Variants in LAMA2 observed in about 807,000 individuals in gnomAD.
LAMA2 encodes the protein laminin subunit alpha 2, also known as laminin subunit alpha-2.
LAMA2 carries 269 observed loss-of-function variants against 364.8 expected under a neutral mutation model. The observed-to-expected ratio is 0.74, with a 90% CI of 0.67 to 0.82. The LOEUF (loss-of-function observed/expected upper bound fraction) is 0.82, where lower values mean the gene tolerates loss of function less well. Among genes scored for constraint, LAMA2 ranks in the 40% least tolerant of loss-of-function variants. The pLI is 0.00. For missense variants in LAMA2, 3,807 were observed against 3,873.2 expected (o/e 0.98, Z 0.45); for synonymous variants, 1,379 against 1,370.6 (o/e 1.01, Z -0.14).
At position 128,933,158 on chromosome 6, in the gene LAMA2, T is replaced by C. The variant is rs138368129; in HGVS notation, c.112+49801T>C. The stretch of plus-strand genomic sequence containing the variant: ...ATGCCCTTCAGGCTTATCCATGTCA[T>C]TGCAAATAGCAGGATTTCCTTCTCT... On this transcript the variant is annotated intron_variant, in intron 1 of 64. Coordinates refer to ENST00000421865, the MANE Select transcript of LAMA2 (RefSeq NM_000426.4). Among the ~76,000 whole-genome samples the C allele has an allele frequency of 6.6e-5, 10 of 152,296 alleles. No homozygotes were observed. The East Asian group carries it at 1.9e-3, about 29-fold the overall frequency.
rs1450016462 is a variant in LAMA2 at position 129,075,469 on chromosome 6, A to G, written c.396+15573A>G. The stretch of plus-strand genomic sequence containing the variant: ...TGATTTCCTTTATCTCATTAGAAGT[A>G]ACATTCTGCTAAATGGAGAATGATT... On this transcript the variant is annotated intron_variant, in intron 3 of 64. Coordinates refer to ENST00000421865, the MANE Select transcript of LAMA2 (RefSeq NM_000426.4). 2.0e-5 allele frequency among the ~76,000 whole-genome samples: 3 copies of G among 152,222 alleles called. No individual in the cohort carries two copies. The East Asian group carries it at 5.8e-4, about 29-fold the overall frequency.
intron 12 of LAMA2, among the ~76,000 whole-genome samples, chr6:129,208,726 G>A (rs1410538094): frequency 1.5e-5 from 2 of 130,368 alleles, no homozygotes; most frequent in Non-Finnish European, 3.4e-5. Flanking sequence ...AGGGAGGGAG[G>A]GAAGGAAGGA....
chr6:129,190,896 C>T lies in LAMA2; in HGVS notation c.1608+551C>T, dbSNP rs538778375. On this transcript the variant is annotated intron_variant, in intron 11 of 64. Transcript: ENST00000421865. ...TTTAATAGCAACTGAAATTTTCTTT[C>T]TTTAACGTAAATGTGTTTACCTTTC... 2.0e-5 allele frequency among the ~76,000 whole-genome samples: 3 copies of T among 152,270 alleles called. No individual in the cohort carries two copies. The South Asian group carries it at 6.2e-4, about 32-fold the overall frequency.
intron 22 of LAMA2, among the ~76,000 whole-genome samples, chr6:129,303,311 ACTTATTAGTTCTAGTT>A (rs1773663246): frequency 6.6e-6 from 1 of 152,140 alleles, no homozygotes; most frequent in Non-Finnish European, 1.5e-5. Context: ...ATCTTGCTAA[ACTTATTAGTTCTAGTT>A]TCTTTTTGGT....
At position 129,030,387 on chromosome 6, in the gene LAMA2, G is replaced by T. The variant is rs953879614; in HGVS notation, c.113-19531G>T. On this transcript the variant is annotated intron_variant, in intron 1 of 64. Coordinates refer to ENST00000421865, the MANE Select transcript of LAMA2 (RefSeq NM_000426.4). ...ACTGCCTAGATGAGTACTTGGAAAG[G>T]TGGAGTGATTCAATGAATATGTGTT... 2.0e-5 allele frequency among the ~76,000 whole-genome samples: 3 copies of T among 152,248 alleles called. No individual in the cohort carries two copies. The East Asian group carries it at 5.8e-4, about 29-fold the overall frequency.
intron 40 of LAMA2, 120 bp downstream of exon 40, chr6:129,404,079 A>T: frequency 9.1e-7 from 1 of 1,104,240 alleles, no homozygotes; most frequent in South Asian, 1.4e-5. Context: ...ATTTTTGAAG[A>T]CCTCTTTTAA....
At chr6:129,092,848 G>A (rs759396238) in intron 3 of LAMA2, among the ~76,000 whole-genome samples, 2 of 152,164 alleles carry the variant, frequency 1.3e-5, no homozygotes, top group Non-Finnish European at 2.9e-5. Flanking sequence ...ATCAGCCTAA[G>A]GAAACAGAAG....
chr6:129,323,138 C>T (rs983582591), intron 28 of LAMA2, among the ~76,000 whole-genome samples: 2 of 152,160 alleles, frequency 1.3e-5, no homozygotes, highest in Non-Finnish European at 2.9e-5. Context: ...CATTATACCT[C>T]TTATTTATAA....
chr6:129,357,310 T>C (rs1411080805), intron 32 of LAMA2, among the ~76,000 whole-genome samples: 2 of 152,072 alleles, frequency 1.3e-5, no homozygotes, highest in Non-Finnish European at 2.9e-5. Context: ...ATGAGTGGCA[T>C]AGTAAAATGT....
chr6:129,223,562 G>A lies in LAMA2; in HGVS notation c.1783-26550G>A, dbSNP rs1784029751. ...ATCCAGTTTCAGCTTTCTACATATG[G>A]CTAGCCAGTTTTCCCAGCACCATTT... On this transcript the variant is annotated intron_variant, in intron 12 of 64. Coordinates refer to ENST00000421865, the MANE Select transcript of LAMA2 (RefSeq NM_000426.4). Among the ~76,000 whole-genome samples, 5 of 152,204 alleles carry A rather than the reference G, an allele frequency of 3.3e-5. No individual in the cohort carries two copies. The South Asian group carries it at 1.0e-3, about 32-fold the overall frequency.
At chr6:129,006,814 C>T (rs757375720) in intron 1 of LAMA2, among the ~76,000 whole-genome samples, 8 of 152,120 alleles carry the variant, frequency 5.3e-5, no homozygotes, top group Non-Finnish European at 8.8e-5. Context: ...GGTCTTTGAC[C>T]TCTTCTCACT....
chr6:129,382,976 A>G, intron 34 of LAMA2, 146 bp from the exon 35 acceptor site: 1 of 697,860 alleles, frequency 1.4e-6, no homozygotes, highest in Non-Finnish European at 2.6e-6. Context: ...AGCATGGGGC[A>G]TCATTTGCAA....
chr6:129,085,547 A>G (rs1221535249), intron 3 of LAMA2, among the ~76,000 whole-genome samples: 2 of 152,186 alleles, frequency 1.3e-5, no homozygotes, highest in Non-Finnish European at 2.9e-5. Flanking sequence ...TTAAAAAAGG[A>G]CTTTTACTCT....
At chr6:129,251,833 G>T (rs918978688) in intron 13 of LAMA2, among the ~76,000 whole-genome samples, 6 of 152,096 alleles carry the variant, frequency 3.9e-5, no homozygotes, top group East Asian at 1.9e-4. Flanking sequence ...TATTATGGAG[G>T]CTGAGGCATG....
At chr6:129,489,495 T>C (rs1233880018) in intron 56 of LAMA2, among the ~76,000 whole-genome samples, 1 of 152,196 alleles carries the variant, frequency 6.6e-6, no homozygotes, top group East Asian at 1.9e-4. Context: ...CAGCAGTTCT[T>C]ACTGGACAAA....
At chr6:129,130,194 C>G (rs111951864) in intron 4 of LAMA2, among the ~76,000 whole-genome samples, 1 of 152,138 alleles carries the variant, frequency 6.6e-6, no homozygotes, top group African/African-American at 2.4e-5. Context: ...TGCAAACAAA[C>G]CCCACCACAT....
chr6:128,899,513 T>C (rs779400738), intron 1 of LAMA2, among the ~76,000 whole-genome samples: 16 of 152,216 alleles, frequency 1.1e-4, no homozygotes, highest in Non-Finnish European at 2.4e-4. Context: ...GCTTCTAGTC[T>C]GACATATGGT....
intron 1 of LAMA2, chr6:128,930,030 A>T (rs1779360356): frequency 2.2e-6 from 1 of 450,966 alleles, no homozygotes; most frequent in Non-Finnish European, 4.0e-6. Flanking sequence ...GTTGCAGAGC[A>T]CGGGGCGCCG....
chr6:129,273,954 A>G (rs1045883381), intron 17 of LAMA2, among the ~76,000 whole-genome samples: 2 of 151,728 alleles, frequency 1.3e-5, no homozygotes, highest in African/African-American at 2.4e-5. Flanking sequence ...TAAAATTAGC[A>G]AATTACTAAA....
Sources: gnomAD v4.1 joint callset for allele counts (sites outside exome capture counted in the v4.1 genomes callset) on GRCh38, gnomAD v4.1.1 for gene constraint, MANE v1.5 for transcripts, NCBI Gene and HGNC (gene_info 2026-07-23, HGNC 2026-07-21) for gene names.